The following CREB5 variants were observed in gnomAD, a reference collection of about 807,000 sequenced individuals.
CREB5 encodes the protein cAMP responsive element binding protein 5.
Under a neutral mutation model 57.1 loss-of-function variants are expected in CREB5, and 19 were observed. The observed-to-expected ratio is 0.33, with a 90% CI of 0.23 to 0.49. The LOEUF (loss-of-function observed/expected upper bound fraction) is 0.49. Among genes scored for constraint, CREB5 ranks in the 20% least tolerant of loss-of-function variants. The probability of loss-of-function intolerance (pLI) is 0.99; values close to 1 mark genes in which losing one functional copy is unlikely to be tolerated. For synonymous variants in CREB5, 238 were observed against 238.3 expected (o/e 1.00, Z 0.01); for missense variants, 579 against 671.6 (o/e 0.86, Z 1.52).
At chr7:28,543,100 C>A (rs1182862124) in intron 4 of CREB5, among the ~76,000 whole-genome samples, 1 of 152,076 alleles carries the variant, frequency 6.6e-6, no homozygotes, top group Non-Finnish European at 1.5e-5. Flanking sequence ...TCAATACTTG[C>A]TTTTCTCTCT....
intron 6 of CREB5, among the ~76,000 whole-genome samples, chr7:28,723,783 A>G (rs771061804): frequency 7.9e-5 from 12 of 152,338 alleles, no homozygotes; most frequent in Non-Finnish European, 1.3e-4. Context: ...ACCATTTGGT[A>G]TATTATTTAT....
In CREB5 at chr7:28,730,354, A is replaced by T. The variant is rs534282581; in HGVS notation, c.702+6022A>T. ...GCAGATGCGCCACCACACCCAGATA[A>T]TTTTTTTTTTTTTGAGACAGAGTCT... On this transcript the variant is annotated intron_variant, in intron 7 of 10. Transcript: ENST00000357727. Among the ~76,000 whole-genome samples the T allele has an allele frequency of 7.8e-3, 1,153 of 147,114 alleles. 16 individuals carry two copies. The highest frequency in any genetic ancestry group is 0.028 in the African/African-American group (1,106 of 40,128).
At chr7:28,372,157 T>C (rs1325140319) in intron 1 of CREB5, among the ~76,000 whole-genome samples, 1 of 152,202 alleles carries the variant, frequency 6.6e-6, no homozygotes, top group Non-Finnish European at 1.5e-5. Flanking sequence ...GGCAACTCTC[T>C]GCCCTCAAGA....
At chr7:28,623,884 T>TG (rs996890092) in intron 5 of CREB5, among the ~76,000 whole-genome samples, 1 of 152,104 alleles carries the variant, frequency 6.6e-6, no homozygotes, top group Admixed American at 6.5e-5. Context: ...TTCATAAAGA[T>TG]GGGGGGAGAT....
chr7:28,446,023 G>A (rs995911849), intron 1 of CREB5, among the ~76,000 whole-genome samples: 35 of 152,340 alleles, frequency 2.3e-4, no homozygotes, highest in African/African-American at 8.4e-4. Context: ...ATTCCCTGAA[G>A]GAAGCCCTTG....
At chr7:28,680,966 C>T (rs896372997) in intron 5 of CREB5, among the ~76,000 whole-genome samples, 1 of 152,100 alleles carries the variant, frequency 6.6e-6, no homozygotes, top group African/African-American at 2.4e-5. Flanking sequence ...GAATATTTAG[C>T]TGCTCTCACC....
chr7:28,403,306 T>C (rs1465105903), intron 1 of CREB5, among the ~76,000 whole-genome samples: 1 of 152,204 alleles, frequency 6.6e-6, no homozygotes, highest in Admixed American at 6.5e-5. Context: ...ACATCTTATA[T>C]GCAATTTTAT....
At chr7:28,301,720 T>C in intron 1 of CREB5, among the ~76,000 whole-genome samples, 1 of 152,268 alleles carries the variant, frequency 6.6e-6, no homozygotes, top group South Asian at 2.1e-4. Context: ...GAATTAATTG[T>C]AGCTTGTCTG....
rs570566834 is a variant in CREB5 at position 28,554,177 on chromosome 7, G to A, written c.292-16188G>A. On this transcript the variant is annotated intron_variant, in intron 4 of 10. Coordinates refer to ENST00000357727, the MANE Select transcript of CREB5 (RefSeq NM_182898.4). Reference sequence around the variant, plus strand: ...CACCCATCGTCACAAAAAAATCACTGAATTAGTAGTCAGGAGATCCAGATT... The same window carrying A: ...CACCCATCGTCACAAAAAAATCACTAAATTAGTAGTCAGGAGATCCAGATT... 5.9e-5 allele frequency among the ~76,000 whole-genome samples: 9 copies of A among 152,302 alleles called. No homozygotes were observed. In the South Asian group the frequency reaches 1.9e-3, roughly 32 times the overall value.
intron 4 of CREB5, among the ~76,000 whole-genome samples, chr7:28,517,929 G>A (rs1793043809): frequency 6.6e-6 from 1 of 152,114 alleles, no homozygotes. Context: ...GAACTCACTT[G>A]CTGCTGGCAG....
chr7:28,701,454 A>G (rs1245922195), intron 5 of CREB5, among the ~76,000 whole-genome samples: 1 of 152,338 alleles, frequency 6.6e-6, no homozygotes, highest in South Asian at 2.1e-4. Flanking sequence ...GCTTCTGTAA[A>G]GGATCTGACA....
At chr7:28,524,662 GT>G (rs539224346) in intron 4 of CREB5, among the ~76,000 whole-genome samples, 104 of 152,172 alleles carry the variant, frequency 6.8e-4, no homozygotes, top group Middle Eastern at 6.8e-3. Flanking sequence ...TCATTCAACC[GT>G]TTTTGTGAGT....
chr7:28,795,589 C>T (rs919828876), intron 7 of CREB5, among the ~76,000 whole-genome samples: 5 of 152,122 alleles, frequency 3.3e-5, no homozygotes, highest in African/African-American at 9.7e-5. Flanking sequence ...TACAGTGTTT[C>T]GCATAAGGTG....
intron 1 of CREB5, among the ~76,000 whole-genome samples, chr7:28,379,028 C>T (rs1418491857): frequency 5.3e-5 from 8 of 152,204 alleles, no homozygotes; most frequent in Non-Finnish European, 8.8e-5. Context: ...TCCAATGTTA[C>T]TAGAGGTTTG....
In CREB5 at chr7:28,818,114, AGTT is replaced by A. The variant is rs1236584104; in HGVS notation, c.1305_1307del (p.Leu436del). 2.5e-6 allele frequency: 4 copies of A among 1,613,702 alleles called. No homozygotes were observed. Among genetic ancestry groups the A allele is most frequent in the Admixed American group, 1.7e-5 (1 of 59,970 alleles). ...AAAAATGAGGTGGCCCAGCTGAAAC[AGTT>A]GTTGTTAACACATAAAGACTGCCCA... On this transcript the variant is annotated inframe_deletion, in exon 10 of 11. Transcript: ENST00000357727.
chr7:28,479,952 C>T (rs972406942), intron 1 of CREB5, among the ~76,000 whole-genome samples: 1 of 151,826 alleles, frequency 6.6e-6, no homozygotes, highest in East Asian at 1.9e-4. Flanking sequence ...GACTTCAGCC[C>T]GTACATTGGG....
intron 4 of CREB5, among the ~76,000 whole-genome samples, chr7:28,556,401 G>C (rs1794879017): frequency 1.3e-5 from 2 of 152,076 alleles, no homozygotes; most frequent in African/African-American, 4.8e-5. Context: ...TTGTGGGGTG[G>C]AGCCAGGTTA....
chr7:28,534,829 A>G (rs1177214761), intron 4 of CREB5, among the ~76,000 whole-genome samples: 1 of 141,630 alleles, frequency 7.1e-6, no homozygotes, highest in East Asian at 2.0e-4. Flanking sequence ...GAGACCAGAA[A>G]ACAGGCCCAG....
chr7:28,319,615 C>T (rs1459279978), intron 1 of CREB5, among the ~76,000 whole-genome samples: 1 of 152,130 alleles, frequency 6.6e-6, no homozygotes, highest in Non-Finnish European at 1.5e-5. Context: ...GGTGACTCCT[C>T]CGCTCTACCC....
Sources: allele counts gnomAD v4.1 joint callset (sites outside exome capture counted in the v4.1 genomes callset), GRCh38; gene constraint gnomAD v4.1.1; transcripts MANE v1.5; gene names NCBI Gene and HGNC (gene_info 2026-07-23, HGNC 2026-07-21).